PKHD1: variants seen among roughly 807,000 people sequenced by gnomAD.
PKHD1 encodes the protein fibrocystin.
In PKHD1, 291 loss-of-function variants were observed where a neutral mutation model predicts 412.0. That is an observed-to-expected ratio of 0.71 (90% CI 0.64 to 0.78). The LOEUF (loss-of-function observed/expected upper bound fraction) is 0.78, where lower values mean the gene tolerates loss of function less well. Ranked by LOEUF, PKHD1 falls within the 30% of genes least tolerant of loss-of-function variation. PKHD1 has a pLI of 0.00. For synonymous variants in PKHD1, 1,777 were observed against 1,821.5 expected (o/e 0.98, Z 0.62); for missense variants, 4,825 against 4,950.7 (o/e 0.97, Z 0.76).
Position 51,655,288 on chromosome 6 carries a change from G to C in PKHD1, c.11174+3664C>G, listed in dbSNP as rs181470750. On this transcript the variant is annotated intron_variant, in intron 61 of 66. Coordinates refer to ENST00000371117, the MANE Select transcript of PKHD1 (RefSeq NM_138694.4). ...CCAAACAGCTCTCTTCTAGAAAGCA[G>C]GTGCCCAGGATACATAAAGAGGAGA... Among the ~76,000 whole-genome samples the C allele has an allele frequency of 3.3e-5, 5 of 152,194 alleles. No homozygotes were observed. In the East Asian group the frequency reaches 9.7e-4, roughly 29 times the overall value.
intron 60 of PKHD1, among the ~76,000 whole-genome samples, chr6:51,663,675 A>G (rs1490293561): frequency 3.9e-5 from 6 of 152,144 alleles, no homozygotes; most frequent in Non-Finnish European, 7.4e-5. Flanking sequence ...TGTTCTTGTC[A>G]GGTGTCTAAT....
chr6:51,671,045 G>C (rs940609266), intron 60 of PKHD1, among the ~76,000 whole-genome samples: 2 of 151,976 alleles, frequency 1.3e-5, no homozygotes, highest in African/African-American at 4.8e-5. Flanking sequence ...CTCTTCTCGA[G>C]GAGTATCTTT....
rs542797862 is a variant in PKHD1, at chr6:51,769,974, C to T, written c.8642+2728G>A. 4.6e-5 allele frequency among the ~76,000 whole-genome samples: 7 copies of T among 150,862 alleles called. No individual in the cohort carries two copies. The East Asian group carries it at 1.4e-3, about 29-fold the overall frequency. ...GTTGGTTTATATTTTATTTTAATCTCCATGTTTATTATATTGTGATCACAT... is the reference window on the plus strand; with the variant it reads ...GTTGGTTTATATTTTATTTTAATCTTCATGTTTATTATATTGTGATCACAT... On this transcript the variant is annotated intron_variant, in intron 55 of 66. Transcript: ENST00000371117.
chr6:52,084,538 T>C (rs1459254582), intron 2 of PKHD1, among the ~76,000 whole-genome samples: 2 of 152,174 alleles, frequency 1.3e-5, no homozygotes, highest in Non-Finnish European at 2.9e-5. Flanking sequence ...CCAAAAGGAA[T>C]TATAAAAGAA....
intron 9 of PKHD1, among the ~76,000 whole-genome samples, 189 bp downstream of exon 9, chr6:52,070,817 G>A (rs530755703): frequency 2.0e-5 from 3 of 152,260 alleles, no homozygotes; most frequent in African/African-American, 7.2e-5. Flanking sequence ...CTTCACAGGT[G>A]TATGTGAGCA....
At chr6:51,896,948 A>G (rs909569521) in intron 43 of PKHD1, among the ~76,000 whole-genome samples, 8 of 152,236 alleles carry the variant, frequency 5.3e-5, no homozygotes, top group African/African-American at 1.9e-4. Context: ...TGAAGCGAGA[A>G]GGGAAGTTTA....
chr6:52,014,656 G>A (rs1458357007), intron 34 of PKHD1, among the ~76,000 whole-genome samples: 3 of 151,200 alleles, frequency 2.0e-5, no homozygotes, highest in Admixed American at 6.6e-5. Context: ...TGAATGGATT[G>A]ATGGATGGAT....
chr6:52,039,625 C>T (rs2128175974), intron 27 of PKHD1, among the ~76,000 whole-genome samples: 1 of 152,298 alleles, frequency 6.6e-6, no homozygotes. Context: ...AATGGACTAA[C>T]ACACATTGGA....
chr6:52,047,949 G>T (rs899582014), intron 23 of PKHD1, among the ~76,000 whole-genome samples: 7 of 152,214 alleles, frequency 4.6e-5, no homozygotes, highest in African/African-American at 1.7e-4. Context: ...ATCCCAGGTG[G>T]ACCCTAAATA....
intron 40 of PKHD1, 97 bp from the exon 41 acceptor site, chr6:51,906,437 C>A (rs1782107722): frequency 2.1e-6 from 2 of 937,588 alleles, no homozygotes; most frequent in Admixed American, 1.7e-5. Flanking sequence ...GACATTCTCC[C>A]ACACAATAAT....
At chr6:51,753,995 A>G (rs912086009) in intron 56 of PKHD1, among the ~76,000 whole-genome samples, 1 of 152,192 alleles carries the variant, frequency 6.6e-6, no homozygotes, top group East Asian at 1.9e-4. Flanking sequence ...CCACTTACTA[A>G]AAAAGAAATG....
At chr6:51,787,185 C>T (rs1401299682) in intron 53 of PKHD1, among the ~76,000 whole-genome samples, 3 of 152,056 alleles carry the variant, frequency 2.0e-5, no homozygotes, top group Non-Finnish European at 4.4e-5. Flanking sequence ...ATGGTGAAAC[C>T]CTGTCTCTAA....
intron 63 of PKHD1, among the ~76,000 whole-genome samples, chr6:51,639,649 G>A (rs1037738345): frequency 5.9e-5 from 9 of 151,792 alleles, no homozygotes; most frequent in Non-Finnish European, 7.4e-5. Context: ...CATTTATAAC[G>A]TGAAAAAAGG....
At chr6:52,017,935 T>C (rs1800801477) in intron 33 of PKHD1, among the ~76,000 whole-genome samples, 1 of 152,208 alleles carries the variant, frequency 6.6e-6, no homozygotes, top group Non-Finnish European at 1.5e-5. Flanking sequence ...TTCCTCCTCA[T>C]TCTCAGAAAT....
chr6:52,025,972 G>A lies in PKHD1; in HGVS notation c.3838C>T (p.Arg1280Cys), dbSNP rs144042993. Residue 1280 changes from arginine to cysteine, a missense_variant, in exon 32 of 67, where the codon CGT becomes TGT. By Grantham distance (180) the Arg-to-Cys change is radical (BLOSUM62 -3). Transcript: ENST00000371117. ...CCCACCAAGCTTGGTGAAGGACCAC[G>A]GGCGAAGAACCTGTTGCCAGCCCAG... ...EVWAGNRFFA[R>C]GPSPSLVGKG... The A allele has an allele frequency of 9.5e-5, 154 of 1,614,092 alleles. No individual in the cohort carries two copies. In the African/African-American group the frequency reaches 1.3e-3, roughly 13 times the overall value.
chr6:52,057,423 GC>G (rs1268368052), intron 16 of PKHD1, among the ~76,000 whole-genome samples: 4 of 131,920 alleles, frequency 3.0e-5, no homozygotes, highest in Non-Finnish European at 6.3e-5. Flanking sequence ...GTTCTATGCA[GC>G]TTTTTTTTTT....
In PKHD1 at chr6:52,084,925, G is replaced by C. The variant is rs755448835; in HGVS notation, c.9C>G (p.Ala3=). MT[A]WLISLMSIEV... ...CAATACTCATCAGAGAGATCAGCCAGGCAGTCATTCTGTCCACTTAAATCA... is the reference window on the plus strand; with the variant it reads ...CAATACTCATCAGAGAGATCAGCCACGCAGTCATTCTGTCCACTTAAATCA... Residue 3 remains alanine, a synonymous_variant, in exon 2 of 67, where the codon GCC becomes GCG. Coordinates refer to ENST00000371117, the MANE Select transcript of PKHD1 (RefSeq NM_138694.4). 14 of 1,605,692 alleles carry C rather than the reference G, an allele frequency of 8.7e-6. No individual in the cohort carries two copies. The highest frequency in any genetic ancestry group is 1.2e-5 in the Non-Finnish European group (14 of 1,172,400).
chr6:51,636,660 G>C (rs1561998039), intron 64 of PKHD1, among the ~76,000 whole-genome samples: 1 of 152,012 alleles, frequency 6.6e-6, no homozygotes, highest in Non-Finnish European at 1.5e-5. Context: ...AAGCCTATTA[G>C]AAATAAGAAA....
intron 63 of PKHD1, among the ~76,000 whole-genome samples, chr6:51,645,071 A>T (rs1404074392): frequency 1.3e-5 from 2 of 152,230 alleles, no homozygotes; most frequent in African/African-American, 4.8e-5. Flanking sequence ...CATATACACC[A>T]TATCAATTTA....
Sources: allele counts gnomAD v4.1 joint callset (sites outside exome capture counted in the v4.1 genomes callset), GRCh38; gene constraint gnomAD v4.1.1; transcripts MANE v1.5; gene names NCBI Gene and HGNC (gene_info 2026-07-23, HGNC 2026-07-21).